SLC22A3: variants seen among roughly 807,000 people sequenced by gnomAD.
SLC22A3 encodes solute carrier family 22 member 3, also known as EMT organic cation transporter 3.
Under a neutral mutation model 59.1 loss-of-function variants are expected in SLC22A3, and 51 were observed. The observed-to-expected ratio is 0.86, with a 90% CI of 0.69 to 1.09. The LOEUF is 1.09. Among genes scored for constraint, SLC22A3 ranks in the 50% least tolerant of loss-of-function variants. The pLI, the probability that SLC22A3 is intolerant of heterozygous loss-of-function variation, is 0.00. For missense variants in SLC22A3, 711 were observed against 726.3 expected (o/e 0.98, Z 0.24); for synonymous variants, 325 against 292.0 (o/e 1.11, Z -1.15).
chr6:160,348,944 G>T, intron 1 of SLC22A3, 96 bp downstream of exon 1: 1 of 1,530,332 alleles, frequency 6.5e-7, no homozygotes, highest in Non-Finnish European at 8.7e-7. Context: ...GCCAGGGGAG[G>T]TCGGTGGAGA....
intron 1 of SLC22A3, among the ~76,000 whole-genome samples, chr6:160,380,694 T>C (rs1394292647): frequency 1.3e-5 from 2 of 152,234 alleles, no homozygotes; most frequent in East Asian, 1.9e-4. Context: ...AATTAAGTTA[T>C]GTGCAATAAT....
At chr6:160,427,958 C>T (rs926067706) in intron 5 of SLC22A3, among the ~76,000 whole-genome samples, 1 of 152,184 alleles carries the variant, frequency 6.6e-6, no homozygotes, top group Admixed American at 6.5e-5. Flanking sequence ...TGGATTCAGT[C>T]CACGCAAGTT....
intron 7 of SLC22A3, among the ~76,000 whole-genome samples, chr6:160,439,381 G>A (rs1227836807): frequency 6.6e-6 from 1 of 152,078 alleles, no homozygotes; most frequent in African/African-American, 2.4e-5. Flanking sequence ...GAAATGCAGC[G>A]AGAAAGATGC....
chr6:160,413,372 T>C (rs1445507956), intron 5 of SLC22A3, among the ~76,000 whole-genome samples: 35 of 152,234 alleles, frequency 2.3e-4, no homozygotes, highest in Non-Finnish European at 7.3e-5. Context: ...GTCATTTTAA[T>C]TTTAATATGG....
At chr6:160,353,956 C>G (rs537448033) in intron 1 of SLC22A3, among the ~76,000 whole-genome samples, 1 of 152,282 alleles carries the variant, frequency 6.6e-6, no homozygotes, top group East Asian at 1.9e-4. Context: ...AGATGAAATG[C>G]TGCTGTTTAT....
intron 1 of SLC22A3, among the ~76,000 whole-genome samples, chr6:160,365,864 C>T (rs139433371): frequency 1.3e-5 from 2 of 152,248 alleles, no homozygotes; most frequent in African/African-American, 2.4e-5. Flanking sequence ...TAAACACTTC[C>T]TTCTTCACAT....
At chr6:160,396,682 T>C (rs1005543573) in intron 1 of SLC22A3, among the ~76,000 whole-genome samples, 1 of 152,164 alleles carries the variant, frequency 6.6e-6, no homozygotes, top group Non-Finnish European at 1.5e-5. Flanking sequence ...CTTTTGGCCA[T>C]GGAGACATAC....
In SLC22A3 at chr6:160,443,709, G is replaced by A; in HGVS notation, c.1477G>A (p.Ala493Thr). Residue 493 changes from alanine (A) to threonine (T), a missense_variant, in exon 9 of 11, where the codon GCC becomes ACC. Transcript: ENST00000275300. ...CCCATTTCTGCTCTTTCGGCTAGCA[G>A]CCGTGTGGCTAGAACTACCTCTGAT... Reference protein sequence around the residue: ...IAPFLLFRLAAVWLELPLIIF... With the variant: ...IAPFLLFRLATVWLELPLIIF... 1.2e-6 allele frequency: 2 copies of A among 1,613,554 alleles called. No homozygotes were observed. The highest frequency in any genetic ancestry group is 1.7e-6 in the Non-Finnish European group (2 of 1,179,688).
chr6:160,374,769 A>G (rs1785529388), intron 1 of SLC22A3, among the ~76,000 whole-genome samples: 2 of 152,352 alleles, frequency 1.3e-5, no homozygotes, highest in Admixed American at 6.5e-5. Context: ...GAAGGGCCAC[A>G]GGAAAGAGAA....
At position 160,408,886 on chromosome 6, in the gene SLC22A3, C is replaced by T. The variant is rs1787128901; in HGVS notation, c.822C>T (p.Ile274=). The T allele has an allele frequency of 6.8e-6, 11 of 1,613,760 alleles. No individual in the cohort carries two copies. Among genetic ancestry groups the T allele is most frequent in the Non-Finnish European group, 9.3e-6 (11 of 1,179,852 alleles). ...IPNWQGIQLA[I]TLPSFLFLLY... ...ACTGGCAAGGAATCCAGTTAGCCATCACGCTGCCCAGCTTTCTCTTCCTCC... is the reference window on the plus strand; with the variant it reads ...ACTGGCAAGGAATCCAGTTAGCCATTACGCTGCCCAGCTTTCTCTTCCTCC... The change falls in exon 4 of 11, where the codon ATC becomes ATT. Residue 274 remains isoleucine, a synonymous_variant. Transcript: ENST00000275300.
chr6:160,397,163 G>A (rs1056642103), intron 1 of SLC22A3, among the ~76,000 whole-genome samples: 1 of 152,088 alleles, frequency 6.6e-6, no homozygotes, highest in Non-Finnish European at 1.5e-5. Context: ...CGGGGAGATG[G>A]TTTCAGGTGA....
At chr6:160,450,182 C>T (rs1222625280) in intron 10 of SLC22A3, among the ~76,000 whole-genome samples, 1 of 152,116 alleles carries the variant, frequency 6.6e-6, no homozygotes, top group African/African-American at 2.4e-5. Context: ...GTATTTCAGT[C>T]CTTATCTCAA....
intron 5 of SLC22A3, among the ~76,000 whole-genome samples, chr6:160,436,542 A>G (rs367543720): frequency 3.3e-4 from 51 of 152,356 alleles, no homozygotes; most frequent in East Asian, 1.7e-3. Context: ...AGAGCAGTTT[A>G]ACATAAAGTA....
intron 1 of SLC22A3, among the ~76,000 whole-genome samples, chr6:160,366,775 C>A (rs1266125955): frequency 6.6e-6 from 1 of 152,198 alleles, no homozygotes; most frequent in Non-Finnish European, 1.5e-5. Context: ...GGGACCAACA[C>A]CACATGAAAG....
At chr6:160,389,317 C>T (rs375705275) in intron 1 of SLC22A3, among the ~76,000 whole-genome samples, 9 of 152,126 alleles carry the variant, frequency 5.9e-5, no homozygotes, top group Middle Eastern at 3.4e-3. Context: ...AATCAATGAA[C>T]GAGTGTTTAT....
chr6:160,391,333 T>C (rs569046375), intron 1 of SLC22A3, among the ~76,000 whole-genome samples: 1 of 152,306 alleles, frequency 6.6e-6, no homozygotes, highest in African/African-American at 2.4e-5. Context: ...CATTTTTTCA[T>C]TTACCTCAAG....
intron 4 of SLC22A3, 146 bp downstream of exon 4, chr6:160,409,067 T>C (rs1787143490): frequency 8.4e-6 from 5 of 594,720 alleles, no homozygotes; most frequent in South Asian, 4.1e-5. Context: ...CATGTGCACA[T>C]TGTGCAGGTT....
chr6:160,421,214 G>A (rs1489537048), intron 5 of SLC22A3, among the ~76,000 whole-genome samples: 2 of 152,212 alleles, frequency 1.3e-5, no homozygotes, highest in Non-Finnish European at 2.9e-5. Flanking sequence ...AGCAGGGCCA[G>A]CCCACGGAAA....
At chr6:160,356,381 C>T (rs1479950972) in intron 1 of SLC22A3, among the ~76,000 whole-genome samples, 1 of 152,230 alleles carries the variant, frequency 6.6e-6, no homozygotes, top group East Asian at 1.9e-4. Context: ...TGACCTGGAA[C>T]ATGAAAGGGA....
Sources: gnomAD v4.1 joint callset for allele counts (sites outside exome capture counted in the v4.1 genomes callset) on GRCh38, gnomAD v4.1.1 for gene constraint, MANE v1.5 for transcripts, NCBI Gene and HGNC (gene_info 2026-07-23, HGNC 2026-07-21) for gene names.